The following PTPRD variants were observed in gnomAD, a reference collection of about 807,000 sequenced individuals.
PTPRD encodes the protein receptor-type tyrosine-protein phosphatase delta.
Under a neutral mutation model 214.5 loss-of-function variants are expected in PTPRD, and 34 were observed. The observed-to-expected ratio is 0.16, with a 90% CI of 0.12 to 0.21. PTPRD has a LOEUF of 0.21. Ranked by LOEUF, PTPRD falls within the 10% of genes least tolerant of loss-of-function variation. The pLI is 1.00. For synonymous variants in PTPRD, 1,128 were observed against 845.7 expected (o/e 1.33, Z -5.79); for missense variants, 2,545 against 2,398.7 (o/e 1.06, Z -1.27).
chr9:8,339,114 T>TATCTATCTA, intron 42 of PTPRD, 67 bp from the exon 43 acceptor site: 2 of 1,442,954 alleles, frequency 1.4e-6, no homozygotes, highest in Non-Finnish European at 1.9e-6. Context: ...ATTATCTATC[T>TATCTATCTA]ATCTATCTAA....
At chr9:9,757,243 A>ATT (rs1205033779) in intron 6 of PTPRD, among the ~76,000 whole-genome samples, 1 of 152,148 alleles carries the variant, frequency 6.6e-6, no homozygotes, top group African/African-American at 2.4e-5. Flanking sequence ...AAAACATTTA[A>ATT]TATTTACTCT....
intron 3 of PTPRD, among the ~76,000 whole-genome samples, chr9:10,144,035 G>T (rs973845531): frequency 1.3e-5 from 2 of 151,948 alleles, no homozygotes; most frequent in South Asian, 2.1e-4. Flanking sequence ...ACCTGTGATT[G>T]TACACTCTGA....
chr9:9,293,074 A>G (rs1212294771), intron 9 of PTPRD, among the ~76,000 whole-genome samples: 1 of 151,474 alleles, frequency 6.6e-6, no homozygotes, highest in African/African-American at 2.4e-5. Flanking sequence ...TACACGTTGG[A>G]AAGAAGTTAC....
intron 8 of PTPRD, among the ~76,000 whole-genome samples, chr9:9,532,199 G>T (rs1299966958): frequency 1.3e-5 from 2 of 152,096 alleles, no homozygotes; most frequent in Non-Finnish European, 1.5e-5. Context: ...GATGGGTAAA[G>T]AACTCTTATT....
intron 2 of PTPRD, among the ~76,000 whole-genome samples, chr9:10,531,246 G>T (rs139084651): frequency 6.6e-6 from 1 of 152,038 alleles, no homozygotes; most frequent in Non-Finnish European, 1.5e-5. Context: ...CACTATGCCC[G>T]GCCAATGGAT....
intron 8 of PTPRD, among the ~76,000 whole-genome samples, chr9:9,473,950 G>A (rs369088359): frequency 1.3e-5 from 2 of 151,168 alleles, no homozygotes; most frequent in Non-Finnish European, 2.9e-5. Flanking sequence ...TTTGCTTTAC[G>A]GAAGCTTTTT....
intron 7 of PTPRD, among the ~76,000 whole-genome samples, chr9:9,726,989 G>C (rs2098106468): frequency 6.6e-6 from 1 of 152,088 alleles, no homozygotes; most frequent in Non-Finnish European, 1.5e-5. Flanking sequence ...TTGAAATTAG[G>C]GAAGAACTAT....
chr9:8,448,578 G>T (rs1403878341), intron 34 of PTPRD, among the ~76,000 whole-genome samples: 2 of 151,936 alleles, frequency 1.3e-5, no homozygotes, highest in Admixed American at 6.6e-5. Context: ...GGTGCATGAT[G>T]AAATAATTTT....
At chr9:8,951,624 A>C (rs1363514729) in intron 11 of PTPRD, among the ~76,000 whole-genome samples, 3 of 151,906 alleles carry the variant, frequency 2.0e-5, no homozygotes, top group Non-Finnish European at 4.4e-5. Context: ...CTAGTCACCC[A>C]GTTACTCAGG....
intron 8 of PTPRD, among the ~76,000 whole-genome samples, chr9:9,454,656 T>C (rs1307955402): frequency 6.6e-6 from 1 of 151,676 alleles, no homozygotes; most frequent in Non-Finnish European, 1.5e-5. Flanking sequence ...TTTACACAAC[T>C]GTAACTGTAA....
chr9:8,493,016 A>G (rs1563800202), intron 26 of PTPRD, 37 bp from the exon 27 acceptor site: 2 of 1,512,580 alleles, frequency 1.3e-6, no homozygotes, highest in Non-Finnish European at 1.8e-6. Context: ...GATTCAAAAC[A>G]TGCTACTAAT....
At chr9:9,353,343 C>A (rs911556213) in intron 9 of PTPRD, among the ~76,000 whole-genome samples, 18 of 151,926 alleles carry the variant, frequency 1.2e-4, no homozygotes, top group African/African-American at 4.1e-4. Context: ...AGCAACAGAA[C>A]TATTGAACTA....
chr9:10,277,905 T>A (rs1204574833), intron 3 of PTPRD, among the ~76,000 whole-genome samples: 1 of 152,072 alleles, frequency 6.6e-6, no homozygotes, highest in Non-Finnish European at 1.5e-5. Context: ...ATGCCTGTAA[T>A]CTCAGCACTT....
At chr9:10,080,728 G>T (rs1590592763) in intron 3 of PTPRD, among the ~76,000 whole-genome samples, 1 of 151,900 alleles carries the variant, frequency 6.6e-6, no homozygotes. Flanking sequence ...TCTTTATAGG[G>T]ACTCCTACTC....
intron 3 of PTPRD, among the ~76,000 whole-genome samples, chr9:10,142,412 TCAAA>T (rs1213765427): frequency 6.6e-6 from 1 of 150,642 alleles, no homozygotes; most frequent in Non-Finnish European, 1.5e-5. Flanking sequence ...TACAATGAAC[TCAAA>T]CAAATTTACG....
chr9:9,789,095 T>C (rs1305085453), intron 5 of PTPRD, among the ~76,000 whole-genome samples: 5 of 152,248 alleles, frequency 3.3e-5, no homozygotes, highest in Non-Finnish European at 7.3e-5. Flanking sequence ...AGGGATCTTA[T>C]AACATTTTTT....
intron 14 of PTPRD, 24 bp downstream of exon 14, chr9:8,633,293 G>T (rs751134389): frequency 1.2e-6 from 2 of 1,604,398 alleles, no homozygotes; most frequent in South Asian, 1.1e-5. Flanking sequence ...TGACACAAAC[G>T]ACAACCTTCA....
At chr9:9,470,119 A>T (rs765113287) in intron 8 of PTPRD, among the ~76,000 whole-genome samples, 4 of 152,192 alleles carry the variant, frequency 2.6e-5, no homozygotes, top group Non-Finnish European at 5.9e-5. Context: ...CCAGGCTGTC[A>T]GGTCACAGTG....
chr9:10,316,364 G>A (rs963398528), intron 3 of PTPRD, among the ~76,000 whole-genome samples: 4 of 151,752 alleles, frequency 2.6e-5, no homozygotes, highest in South Asian at 2.1e-4. Flanking sequence ...AGAAGACACC[G>A]CAATTACTTT....
Sources: allele counts gnomAD v4.1 joint callset (sites outside exome capture counted in the v4.1 genomes callset), GRCh38; gene constraint gnomAD v4.1.1; transcripts MANE v1.5; gene names NCBI Gene and HGNC (gene_info 2026-07-23, HGNC 2026-07-21).